Variants in ADHFE1 observed in about 807,000 individuals in gnomAD.
ADHFE1 encodes alcohol dehydrogenase iron containing 1.
A neutral mutation model predicts 54.8 loss-of-function variants in ADHFE1; 37 were observed. The ratio of observed to expected loss-of-function variants is 0.68; its 90% CI spans 0.52 to 0.89. The LOEUF (loss-of-function observed/expected upper bound fraction) is 0.89, where lower values mean the gene tolerates loss of function less well. ADHFE1 is among the 40% of genes least tolerant of loss of function. ADHFE1 has a pLI of 0.00. For synonymous variants in ADHFE1, 203 were observed against 229.3 expected (o/e 0.89, Z 1.04); for missense variants, 601 against 591.2 (o/e 1.02, Z -0.17).
intron 9 of ADHFE1, 175 bp from the exon 10 acceptor site, chr8:66,453,884 T>C (rs1314256143): frequency 2.7e-6 from 4 of 1,507,412 alleles, no homozygotes; most frequent in Non-Finnish European, 3.6e-6. Flanking sequence ...AGAAATATGT[T>C]TCCCTTCAGT....
At chr8:66,448,781 G>T in intron 7 of ADHFE1, 84 bp from the exon 8 acceptor site, 2 of 1,172,108 alleles carry the variant, frequency 1.7e-6, no homozygotes, top group Admixed American at 2.0e-5. Flanking sequence ...TTTATTTTTA[G>T]GGTGATTTAT....
chr8:66,462,861 G>C (rs1806975815), intron 13 of ADHFE1, among the ~76,000 whole-genome samples: 1 of 152,048 alleles, frequency 6.6e-6, no homozygotes, highest in South Asian at 2.1e-4. Context: ...CACTCTCATT[G>C]CCCAGGCTGG....
chr8:66,448,956 C>T lies in ADHFE1; in HGVS notation c.720C>T (p.Gly240=), dbSNP rs757667344. ...HMPARVVANS[G]FDVLCHALES... ...CTGCCCGAGTGGTCGCCAACAGTGG[C>T]TTTGATGTGCTTTGGTAAGTGCTGG... Residue 240 remains glycine, a synonymous_variant, in exon 8 of 14, where the codon GGC becomes GGT. Coordinates refer to ENST00000396623, the MANE Select transcript of ADHFE1 (RefSeq NM_144650.3). 1.6e-5 allele frequency: 26 copies of T among 1,613,920 alleles called. No individual in the cohort carries two copies. In the Admixed American group the frequency reaches 4.3e-4, roughly 27 times the overall value.
intron 13 of ADHFE1, among the ~76,000 whole-genome samples, chr8:66,461,298 G>A (rs901648257): frequency 6.6e-6 from 1 of 152,184 alleles, no homozygotes; most frequent in Non-Finnish European, 1.5e-5. Context: ...TCAATGCTAT[G>A]AGGGTATGAG....
At chr8:66,445,127 C>T (rs567489471) in intron 5 of ADHFE1, 91 bp from the exon 6 acceptor site, 8 of 1,270,862 alleles carry the variant, frequency 6.3e-6, no homozygotes, top group Admixed American at 5.7e-5. Flanking sequence ...CAAAAAAAAC[C>T]CCACAAAACT....
chr8:66,449,031 T>G, intron 8 of ADHFE1, 61 bp downstream of exon 8: 1 of 1,423,042 alleles, frequency 7.0e-7, no homozygotes, highest in Non-Finnish European at 9.9e-7. Flanking sequence ...TAGTATTTTG[T>G]TGCTCAACGC....
chr8:66,454,163 C>A lies in ADHFE1; in HGVS notation c.986+6C>A. On this transcript the variant is annotated splice_donor_region_variant and intron_variant, in intron 10 of 13. Transcript: ENST00000396623. The stretch of plus-strand genomic sequence containing the variant: ...AATGCTGGTGTTCATCTGTGGTGAG[C>A]AAGTCTGAGATTTCATTTCTTTACT... 1 of 1,613,418 alleles carries A rather than the reference C, an allele frequency of 6.2e-7. No homozygotes were observed. The highest frequency in any genetic ancestry group is 1.1e-5 in the South Asian group (1 of 90,868).
chr8:66,438,113 C>G (rs533997561), intron 1 of ADHFE1, among the ~76,000 whole-genome samples: 1 of 152,288 alleles, frequency 6.6e-6, no homozygotes, highest in East Asian at 1.9e-4. Context: ...GCCATTGAAG[C>G]AGCTTTCAAC....
intron 3 of ADHFE1, among the ~76,000 whole-genome samples, chr8:66,443,298 G>T (rs1805859226): frequency 4.7e-5 from 2 of 42,724 alleles, no homozygotes; most frequent in African/African-American, 1.1e-4. Flanking sequence ...TTTTTTTTTG[G>T]AGACAGCCTC....
chr8:66,449,076 C>A, intron 8 of ADHFE1, 106 bp downstream of exon 8: 1 of 991,002 alleles, frequency 1.0e-6, no homozygotes, highest in Non-Finnish European at 1.5e-6. Context: ...CACCCCACAA[C>A]ATCCCTAGCT....
At chr8:66,436,271 A>T (rs928862645) in intron 1 of ADHFE1, among the ~76,000 whole-genome samples, 2 of 152,188 alleles carry the variant, frequency 1.3e-5, no homozygotes, top group African/African-American at 4.8e-5. Context: ...TAACATTCAC[A>T]GATTCCCAGG....
In ADHFE1 at chr8:66,439,112, C is replaced by A. The variant is rs1805614292; in HGVS notation, c.60-1050C>A. 1.1e-6 allele frequency: 1 copy of A among 885,216 alleles called. No individual in the cohort carries two copies. The allele number at this position is 885,216 out of a possible 1,614,324, so 54.8% of individuals were successfully genotyped here. On this transcript the variant is annotated intron_variant, in intron 1 of 13. Transcript: ENST00000396623. The surrounding 1 kb of genome is among the most constrained non-coding windows in gnomAD (Gnocchi z 4.4). ...ACTAGATGGCAGCCGCGACTCGCGC[C>A]AGCTCTCACTCGCCCCCGCGTCTGC... is the stretch of plus-strand genomic sequence containing the variant.
intron 13 of ADHFE1, among the ~76,000 whole-genome samples, chr8:66,464,035 G>A (rs1385118723): frequency 6.6e-6 from 1 of 152,174 alleles, no homozygotes; most frequent in African/African-American, 2.4e-5. Context: ...TTTCATTACT[G>A]AGGAGCGCTG....
chr8:66,441,666 A>T (rs968144211), intron 2 of ADHFE1, among the ~76,000 whole-genome samples: 1 of 152,252 alleles, frequency 6.6e-6, no homozygotes, highest in African/African-American at 2.4e-5. Flanking sequence ...TACCATAATT[A>T]AAACCTAATC....
intron 1 of ADHFE1, among the ~76,000 whole-genome samples, chr8:66,433,950 G>C (rs146809336): frequency 1.6e-4 from 25 of 152,354 alleles, no homozygotes; most frequent in South Asian, 4.1e-4. Flanking sequence ...GTCACACACA[G>C]AATATGTTTT....
chr8:66,443,624 A>G (rs1805880034), intron 3 of ADHFE1, among the ~76,000 whole-genome samples: 1 of 152,110 alleles, frequency 6.6e-6, no homozygotes, highest in Non-Finnish European at 1.5e-5. Flanking sequence ...ACAGTTAACC[A>G]AGAGATGACC....
intron 1 of ADHFE1, among the ~76,000 whole-genome samples, chr8:66,438,889 G>T (rs1805599130): frequency 1.3e-5 from 2 of 151,952 alleles, no homozygotes; most frequent in South Asian, 4.2e-4. Context: ...GTGGCGGGGG[G>T]TGTAGGGAGG....
intron 1 of ADHFE1, among the ~76,000 whole-genome samples, chr8:66,437,689 A>T (rs1805535717): frequency 6.6e-6 from 1 of 152,172 alleles, no homozygotes; most frequent in Non-Finnish European, 1.5e-5. Flanking sequence ...CCTGGCACTT[A>T]CTTGGTGCTA....
chr8:66,436,317 C>G (rs1805465364), intron 1 of ADHFE1, among the ~76,000 whole-genome samples: 1 of 152,176 alleles, frequency 6.6e-6, no homozygotes, highest in Non-Finnish European at 1.5e-5. Context: ...TTACTCAACT[C>G]AGTGATTACT....
Sources: allele counts gnomAD v4.1 joint callset (sites outside exome capture counted in the v4.1 genomes callset), GRCh38; gene constraint gnomAD v4.1.1; non-coding constraint Gnocchi (gnomAD v3.1); transcripts MANE v1.5; gene names NCBI Gene and HGNC (gene_info 2026-07-23, HGNC 2026-07-21).